Variants in SERPIND1 observed in about 807,000 individuals in gnomAD.
SERPIND1 encodes serpin family D member 1, also known as heparin cofactor 2.
SERPIND1 carries 34 observed loss-of-function variants against 35.0 expected under a neutral mutation model. The observed-to-expected ratio is 0.97, with a 90% CI of 0.74 to 1.29. The LOEUF is 1.29. Ranked by LOEUF, SERPIND1 falls within the 50% of genes most tolerant of loss-of-function variation. The pLI, the probability that SERPIND1 is intolerant of heterozygous loss-of-function variation, is 0.00. For synonymous variants in SERPIND1, 236 were observed against 241.1 expected (o/e 0.98, Z 0.19); for missense variants, 633 against 637.7 (o/e 0.99, Z 0.08).
chr22:20,775,160 CA>C (rs1219654970), intron 1 of SERPIND1, among the ~76,000 whole-genome samples: 1 of 150,668 alleles, frequency 6.6e-6, no homozygotes, highest in African/African-American at 2.4e-5. Flanking sequence ...CCAGCTCTGG[CA>C]ATTAGCAAGA....
rs1246951050 is a variant in SERPIND1 at position 20,777,298 on chromosome 22, C to T, written c.-16-1999C>T. Among the ~76,000 whole-genome samples the T allele has an allele frequency of 5.3e-5, 8 of 151,906 alleles. No individual in the cohort carries two copies. In the East Asian group the frequency reaches 1.6e-3, roughly 29 times the overall value. The stretch of plus-strand genomic sequence containing the variant: ...ATGGTGCGATCTTGGCTCACCACAA[C>T]CTCTGCCTCCTGAATTCAAACGAAT... On this transcript the variant is annotated intron_variant, in intron 1 of 4. Coordinates refer to ENST00000215727, the MANE Select transcript of SERPIND1 (RefSeq NM_000185.4).
intron 1 of SERPIND1, among the ~76,000 whole-genome samples, chr22:20,776,569 G>A (rs1022704423): frequency 1.3e-5 from 2 of 152,264 alleles, no homozygotes; most frequent in South Asian, 4.1e-4. Flanking sequence ...CAAGGAATGG[G>A]ACTGGCACTG....
intron 3 of SERPIND1, 51 bp from the exon 4 acceptor site, chr22:20,785,953 T>C: frequency 6.2e-7 from 1 of 1,613,502 alleles, no homozygotes; most frequent in African/African-American, 1.3e-5. Context: ...CATGATTCTT[T>C]TGTAACTTGT....
chr22:20,779,908 A>C lies in SERPIND1; in HGVS notation c.596A>C (p.His199Pro). 6.2e-7 allele frequency: 1 copy of C among 1,614,252 alleles called. No individual in the cohort carries two copies. Among genetic ancestry groups the C allele is most frequent in the African/African-American group, 1.3e-5 (1 of 75,062 alleles). ...AGCAAGTATGAAATCACGACCATTC[A>C]TAATCTCTTCCGTAAGCTGACTCAT... ...ASSKYEITTIHNLFRKLTHRL... is the reference protein window; with the variant it reads ...ASSKYEITTIPNLFRKLTHRL... The change falls in exon 2 of 5, where the codon CAT becomes CCT. Residue 199 changes from histidine (H) to proline (P), a missense_variant. Coordinates refer to ENST00000215727, the MANE Select transcript of SERPIND1 (RefSeq NM_000185.4).
chr22:20,777,389 T>C (rs1933389581), intron 1 of SERPIND1, among the ~76,000 whole-genome samples: 1 of 152,116 alleles, frequency 6.6e-6, no homozygotes, highest in African/African-American at 2.4e-5. Context: ...CTAATTTTTT[T>C]GTATTTTTTG....
intron 2 of SERPIND1, among the ~76,000 whole-genome samples, chr22:20,782,214 C>T (rs921341548): frequency 3.9e-5 from 6 of 152,266 alleles, no homozygotes; most frequent in African/African-American, 1.4e-4. Context: ...CAGGGACAGG[C>T]AGAGAAGTAC....
chr22:20,778,560 TAAAC>T (rs1220347352), intron 1 of SERPIND1, among the ~76,000 whole-genome samples: 8 of 152,104 alleles, frequency 5.3e-5, no homozygotes, highest in Non-Finnish European at 1.5e-5. Flanking sequence ...AACAACGAAT[TAAAC>T]AACCCCAAAG....
chr22:20,776,043 T>C (rs178032), intron 1 of SERPIND1, among the ~76,000 whole-genome samples: 74,050 of 151,974 alleles, frequency 0.49, 18,566 homozygotes, highest in African/African-American at 0.59. Context: ...TTCTAGAGGC[T>C]GAGCATGGTA....
intron 1 of SERPIND1, among the ~76,000 whole-genome samples, chr22:20,776,003 C>T (rs1333953252): frequency 5.3e-5 from 8 of 152,142 alleles, no homozygotes; most frequent in Non-Finnish European, 5.9e-5. Flanking sequence ...GGGCCCAGTT[C>T]TATTTGCAGC....
chr22:20,778,887 G>A (rs1444738263), intron 1 of SERPIND1, among the ~76,000 whole-genome samples: 1 of 152,134 alleles, frequency 6.6e-6, no homozygotes, highest in Non-Finnish European at 1.5e-5. Flanking sequence ...TTTACTGCAC[G>A]TCTGTCCCAT....
At chr22:20,786,244 T>C in intron 4 of SERPIND1, 96 bp downstream of exon 4, 2 of 1,342,048 alleles carry the variant, frequency 1.5e-6, no homozygotes, top group African/African-American at 1.4e-5. Context: ...CCCAATCTCA[T>C]GTCCCAGCTT....
At chr22:20,774,511 C>A (rs915324961) in intron 1 of SERPIND1, among the ~76,000 whole-genome samples, 1 of 152,068 alleles carries the variant, frequency 6.6e-6, no homozygotes, top group African/African-American at 2.4e-5. Flanking sequence ...GCCTGTAATC[C>A]CAACACTTTG....
chr22:20,777,226 T>C (rs1468248894), intron 1 of SERPIND1, among the ~76,000 whole-genome samples: 1 of 151,620 alleles, frequency 6.6e-6, no homozygotes, highest in Non-Finnish European at 1.5e-5. Context: ...TTTCTTTTTT[T>C]TTTTTTTGAG....
In SERPIND1 at chr22:20,780,021, A is replaced by G; in HGVS notation, c.709A>G (p.Lys237Glu). The change falls in exon 2 of 5, where the codon AAA (lysine) becomes GAA (glutamate). Residue 237 changes from lysine to glutamate, a missense_variant. Coordinates refer to ENST00000215727, the MANE Select transcript of SERPIND1 (RefSeq NM_000185.4). ...QKQFPILLDF[K>E]TKVREYYFAE... ...GCAGTTTCCAATCCTGCTTGACTTC[A>G]AAACTAAAGTAAGAGAGTATTACTT... is the stretch of plus-strand genomic sequence containing the variant. The G allele has an allele frequency of 6.2e-7, 1 of 1,614,194 alleles. No individual in the cohort carries two copies. Among genetic ancestry groups the G allele is most frequent in the Non-Finnish European group, 8.5e-7 (1 of 1,180,038 alleles).
chr22:20,779,213 C>T lies in SERPIND1; in HGVS notation c.-16-84C>T, dbSNP rs753683100. ...GTGAGGGCCTCTTCCTGGGTCAAAG[C>T]CACAGGGAACCTGCCATGTGGATGC... On this transcript the variant is annotated intron_variant, in intron 1 of 4. Coordinates refer to ENST00000215727, the MANE Select transcript of SERPIND1 (RefSeq NM_000185.4). 1.9e-6 allele frequency: 3 copies of T among 1,602,248 alleles called. No individual in the cohort carries two copies. The African/African-American group carries it at 4.0e-5, about 21-fold the overall frequency.
chr22:20,774,758 CAAAAAAA>C (rs361993), intron 1 of SERPIND1, among the ~76,000 whole-genome samples: 1 of 107,368 alleles, frequency 9.3e-6, no homozygotes. Flanking sequence ...TAGACTCCGT[CAAAAAAA>C]AAAAAAAAAA....
rs757459258 is a variant in SERPIND1, at chr22:20,787,331, T to C, written c.*265T>C. The C allele has an allele frequency of 4.0e-6, 2 of 496,836 alleles. No individual in the cohort carries two copies. The highest frequency in any genetic ancestry group is 2.0e-5 in the South Asian group (1 of 48,940). The allele number at this position is 496,836 out of a possible 1,614,324, so 30.8% of individuals were successfully genotyped here. A position where few individuals can be genotyped will look rare whatever the true frequency, so the allele number is the denominator to read the frequency against. ...TACCTAGAGGGTCTCACCTCCCCAC[T>C]CTTCACAGCAAACCTGAGCAGCGCG... On this transcript the variant is annotated 3_prime_UTR_variant, in exon 5 of 5. Coordinates refer to ENST00000215727, the MANE Select transcript of SERPIND1 (RefSeq NM_000185.4).
rs574633078 is a variant in SERPIND1, at chr22:20,781,426, C to T, written c.889+1225C>T. 2.0e-5 allele frequency among the ~76,000 whole-genome samples: 3 copies of T among 152,316 alleles called. No individual in the cohort carries two copies. The South Asian group carries it at 6.2e-4, about 32-fold the overall frequency. On this transcript the variant is annotated intron_variant, in intron 2 of 4. Transcript: ENST00000215727. ...AGTACTTGGAGGCCAGTGCTTTCTG[C>T]TAGTTAGCTCCCGTGGTTTTATAGC...
rs1364452010 is a variant in SERPIND1, at chr22:20,787,129, A to G, written c.*63A>G. On this transcript the variant is annotated 3_prime_UTR_variant, in exon 5 of 5. Coordinates refer to ENST00000215727, the MANE Select transcript of SERPIND1 (RefSeq NM_000185.4). ...CCCTCATTTTGTTTCCATTCCAACA[A>G]CGAGAACAGAGATGTTCTGGCATCA... The G allele has an allele frequency of 2.1e-6, 3 of 1,409,558 alleles. No homozygotes were observed. The African/African-American group carries it at 4.3e-5, about 20-fold the overall frequency. The allele number at this position is 1,409,558 out of a possible 1,614,324, so 87.3% of individuals were successfully genotyped here. A position where few individuals can be genotyped will look rare whatever the true frequency, so the allele number is the denominator to read the frequency against.
Sources: allele counts gnomAD v4.1 joint callset (sites outside exome capture counted in the v4.1 genomes callset), GRCh38; gene constraint gnomAD v4.1.1; transcripts MANE v1.5; gene names NCBI Gene and HGNC (gene_info 2026-07-23, HGNC 2026-07-21).